Variants in PSD3 observed in about 807,000 individuals in gnomAD.
The protein encoded by PSD3 is PH and SEC7 domain-containing protein 3.
Under a neutral mutation model 105.5 loss-of-function variants are expected in PSD3, and 49 were observed. The observed-to-expected ratio is 0.46, with a 90% CI of 0.37 to 0.59. The LOEUF is 0.59. PSD3 is among the 20% of genes least tolerant of loss of function. PSD3 has a pLI of 0.00. For synonymous variants in PSD3, 557 were observed against 457.8 expected, an observed-to-expected ratio of 1.22 and a Z score of -2.77; for missense variants, 1,561 against 1,263.8, an observed-to-expected ratio of 1.24 and a Z score of -3.57.
chr8:18,887,637 T>C (rs1478780985), intron 2 of PSD3, among the ~76,000 whole-genome samples: 1 of 152,170 alleles, frequency 6.6e-6, no homozygotes, highest in African/African-American at 2.4e-5. Context: ...TTAATACAAA[T>C]ATTAAAAATA....
chr8:18,829,596 T>C (rs945550844), intron 4 of PSD3, among the ~76,000 whole-genome samples: 8 of 152,186 alleles, frequency 5.3e-5, no homozygotes, highest in African/African-American at 1.9e-4. Flanking sequence ...CATGTTATTG[T>C]TTCCTAAGCT....
At chr8:18,624,526 G>A in intron 11 of PSD3, among the ~76,000 whole-genome samples, 1 of 116,368 alleles carries the variant, frequency 8.6e-6, no homozygotes, top group African/African-American at 3.3e-5. Flanking sequence ...TCACACTCTG[G>A]GGACTGTTGT....
chr8:18,566,263 G>A (rs1490466209), intron 14 of PSD3, among the ~76,000 whole-genome samples: 3 of 152,154 alleles, frequency 2.0e-5, no homozygotes, highest in African/African-American at 2.4e-5. Flanking sequence ...GGTGGCTCAC[G>A]CCTGTAATTC....
chr8:18,998,830 T>TACA (rs1826220429), intron 1 of PSD3, among the ~76,000 whole-genome samples: 1 of 151,492 alleles, frequency 6.6e-6, no homozygotes, highest in Non-Finnish European at 1.5e-5. Context: ...ACTTTATAGT[T>TACA]ATGATACATA....
intron 1 of PSD3, among the ~76,000 whole-genome samples, chr8:18,975,408 C>T (rs972063092): frequency 2.0e-5 from 3 of 150,204 alleles, no homozygotes; most frequent in East Asian, 2.0e-4. Flanking sequence ...GAGTAGAAGG[C>T]TATAATTGGT....
intron 1 of PSD3, among the ~76,000 whole-genome samples, chr8:19,003,761 G>C (rs1310263928): frequency 6.6e-6 from 1 of 151,526 alleles, no homozygotes. Context: ...GGGGGTTGGG[G>C]ACTTGGGTTG....
chr8:18,979,798 G>A (rs1249211129), intron 1 of PSD3: 8 of 153,548 alleles, frequency 5.2e-5, no homozygotes, highest in Admixed American at 3.8e-4. Context: ...ACAAATAAAA[G>A]AATATACTCT....
intron 4 of PSD3, among the ~76,000 whole-genome samples, chr8:18,859,031 G>A (rs1312310120): frequency 2.0e-5 from 3 of 152,052 alleles, no homozygotes; most frequent in African/African-American, 7.2e-5. Context: ...TATCTATAGT[G>A]ACTACAGCTT....
chr8:18,556,158 T>G lies in PSD3; in HGVS notation c.2928+51A>C. ...AGAAAGATACCGCCTCATGGACAGA[T>G]CATAAGAAAACTCAGAAATCAGCAT... On this transcript the variant is annotated intron_variant, in intron 15 of 15. Coordinates refer to ENST00000327040, the MANE Select transcript of PSD3 (RefSeq NM_015310.4). The G allele has an allele frequency of 2.5e-6, 4 of 1,597,928 alleles. No individual in the cohort carries two copies. The South Asian group carries it at 3.4e-5, about 14-fold the overall frequency.
intron 2 of PSD3, among the ~76,000 whole-genome samples, chr8:18,898,710 C>T (rs1044321320): frequency 3.3e-5 from 5 of 151,988 alleles, no homozygotes; most frequent in Non-Finnish European, 7.4e-5. Context: ...GAAAATGTTA[C>T]TAAGAAAATG....
chr8:19,060,450 C>T (rs1828858079), intron 1 of PSD3, among the ~76,000 whole-genome samples: 1 of 152,088 alleles, frequency 6.6e-6, no homozygotes, highest in Admixed American at 6.5e-5. Context: ...GTCTGGGCAA[C>T]ATAGCAAGAT....
intron 6 of PSD3, chr8:18,804,231 T>C (rs570789478): frequency 3.7e-6 from 1 of 272,578 alleles, no homozygotes; most frequent in African/African-American, 2.2e-5. Context: ...CTCCAAAATC[T>C]ACAACACTTT....
intron 9 of PSD3, among the ~76,000 whole-genome samples, chr8:18,720,698 C>T (rs1802913024): frequency 6.6e-6 from 1 of 152,122 alleles, no homozygotes; most frequent in Non-Finnish European, 1.5e-5. Context: ...CCTGGCCACC[C>T]CCACAGTGCT....
chr8:18,818,297 C>T (rs547163871), intron 4 of PSD3, among the ~76,000 whole-genome samples: 12 of 152,150 alleles, frequency 7.9e-5, no homozygotes, highest in African/African-American at 2.2e-4. Context: ...TCAGTTTCTA[C>T]GCTTTTAAAC....
chr8:18,926,481 G>A (rs957401586), intron 2 of PSD3, among the ~76,000 whole-genome samples: 1 of 151,920 alleles, frequency 6.6e-6, no homozygotes, highest in Admixed American at 6.6e-5. Flanking sequence ...AGCATGATGG[G>A]ATATTTAAGC....
chr8:19,013,635 G>A lies in PSD3; in HGVS notation c.-52C>T, dbSNP rs553650125. ...CGAAACCGCCGCCGGGCGCTCCGGGGCCGCAGCCTCAGGGCGCGAGTGCCG... is the reference window on the plus strand; with the variant it reads ...CGAAACCGCCGCCGGGCGCTCCGGGACCGCAGCCTCAGGGCGCGAGTGCCG... On this transcript the variant is annotated 5_prime_UTR_variant, in exon 1 of 16. Coordinates refer to ENST00000327040, the MANE Select transcript of PSD3 (RefSeq NM_015310.4). 5.4e-4 allele frequency: 718 copies of A among 1,319,380 alleles called. 4 individuals are homozygous for A. In the African/African-American group the frequency reaches 0.01, roughly 19 times the overall value. 81.7% of individuals were successfully genotyped at this position (1,319,380 alleles called of 1,614,324 possible). A position where few individuals can be genotyped will look rare whatever the true frequency, so the allele number is the denominator to read the frequency against.
chr8:18,940,039 A>G (rs535422231), intron 1 of PSD3: 2 of 152,326 alleles, frequency 1.3e-5, no homozygotes, highest in Admixed American at 1.3e-4. Flanking sequence ...ACTGTTGGAA[A>G]CATACTACCC....
At chr8:18,839,444 C>T (rs1014855179) in intron 4 of PSD3, among the ~76,000 whole-genome samples, 5 of 152,260 alleles carry the variant, frequency 3.3e-5, no homozygotes, top group South Asian at 4.1e-4. Flanking sequence ...GCATCTCTTG[C>T]GACATGAGAA....
rs765545837 is a variant in PSD3 at position 18,799,319 on chromosome 8, A to G, written c.2058T>C (p.Leu686=). 8 of 1,608,836 alleles carry G rather than the reference A, an allele frequency of 5.0e-6. No homozygotes were observed. The East Asian group carries it at 6.7e-5, about 13-fold the overall frequency. The part of the protein sequence containing the change: ...GVHCLTCAIM[L]LNTDLHGHNI... ...CGTGGCCATGTAGATCGGTATTAAGAAGCATTATTGCACAGGTAAGGCAAT... is the reference window on the plus strand; with the variant it reads ...CGTGGCCATGTAGATCGGTATTAAGGAGCATTATTGCACAGGTAAGGCAAT... The change falls in exon 8 of 16, where the codon CTT becomes CTC. Residue 686 remains leucine (L), a synonymous_variant. Transcript: ENST00000327040.
Sources: allele counts gnomAD v4.1 joint callset (sites outside exome capture counted in the v4.1 genomes callset), GRCh38; gene constraint gnomAD v4.1.1; transcripts MANE v1.5; gene names NCBI Gene and HGNC (gene_info 2026-07-23, HGNC 2026-07-21).